LEKR1: variants seen among roughly 807,000 people sequenced by gnomAD.
LEKR1 encodes the protein leucine, glutamate and lysine rich 1.
In LEKR1, 59 loss-of-function variants were observed where a neutral mutation model predicts 72.4. That is an observed-to-expected ratio of 0.82 (90% CI 0.66 to 1.01). The LOEUF is 1.01. LEKR1 is among the 50% of genes least tolerant of loss of function. The pLI is 0.00. For synonymous variants in LEKR1, 257 were observed against 263.2 expected (o/e 0.98, Z 0.23); for missense variants, 728 against 759.2 (o/e 0.96, Z 0.48).
rs139311463 is a variant in LEKR1, at chr3:157,027,016, C to T, written c.1369-1087C>T. On this transcript the variant is annotated intron_variant, in intron 11 of 12. Transcript: ENST00000356539. ...ACAACTGTGCTGTCCGTCATGATAG[C>T]CACATGTGGCTGCAAAAGTTTCCAT... 5.7e-3 allele frequency among the ~76,000 whole-genome samples: 864 copies of T among 152,230 alleles called. 4 individuals carry two copies. The highest frequency in any genetic ancestry group is 0.02 in the African/African-American group (813 of 41,524).
At chr3:157,008,717 T>G (rs2036939197) in intron 9 of LEKR1, among the ~76,000 whole-genome samples, 1 of 152,228 alleles carries the variant, frequency 6.6e-6, no homozygotes, top group African/African-American at 2.4e-5. Context: ...TTACCAAGCA[T>G]GTTTGTATTC....
chr3:157,025,537 T>C (rs1364217053), intron 11 of LEKR1, among the ~76,000 whole-genome samples: 1 of 152,166 alleles, frequency 6.6e-6, no homozygotes, highest in Admixed American at 6.6e-5. Flanking sequence ...AGAGTCTGTG[T>C]TAATTAAGCA....
intron 7 of LEKR1, chr3:156,988,246 T>G (rs1730867572): frequency 3.5e-5 from 7 of 202,622 alleles, no homozygotes. Context: ...CACCTACAAG[T>G]GCACATTGTG....
intron 6 of LEKR1, among the ~76,000 whole-genome samples, chr3:156,949,038 T>C (rs539589715): frequency 4.6e-5 from 7 of 151,226 alleles, no homozygotes; most frequent in Non-Finnish European, 5.9e-5. Context: ...AAATTTAGGG[T>C]ACTTTTAGAT....
At chr3:156,929,407 T>G (rs1041072948) in intron 5 of LEKR1, among the ~76,000 whole-genome samples, 3 of 152,058 alleles carry the variant, frequency 2.0e-5, no homozygotes, top group Non-Finnish European at 4.4e-5. Flanking sequence ...AAAATAAAAT[T>G]TAATTTCTGC....
Position 157,045,468 on chromosome 3 carries a change from G to A in LEKR1, c.1797G>A (p.Pro599=). The A allele has an allele frequency of 6.2e-7, 1 of 1,614,116 alleles. No homozygotes were observed. Among genetic ancestry groups the A allele is most frequent in the Non-Finnish European group, 8.5e-7 (1 of 1,180,016 alleles). ...TTCGTGGAAGTTTACCATTCTCACC[G>A]TGTTCCCTCAGCAAGGGCAGCCTAA... is the stretch of plus-strand genomic sequence containing the variant. ...SKLRGSLPFS[P]CSLSKGSLTS... Residue 599 remains proline (P), a synonymous_variant, in exon 13 of 13, where the codon CCG becomes CCA. Transcript: ENST00000356539.
At chr3:156,873,965 T>C (rs1450217597) in intron 3 of LEKR1, among the ~76,000 whole-genome samples, 1 of 152,106 alleles carries the variant, frequency 6.6e-6, no homozygotes, top group South Asian at 2.1e-4. Context: ...TTAACTATAA[T>C]GTGCTATGGT....
chr3:156,923,713 A>G (rs1305248209), intron 4 of LEKR1, among the ~76,000 whole-genome samples: 1 of 149,570 alleles, frequency 6.7e-6, no homozygotes, highest in East Asian at 2.0e-4. Flanking sequence ...ACTAGGTCAT[A>G]TGATTAATGT....
chr3:156,915,194 G>T (rs996806571), intron 3 of LEKR1, among the ~76,000 whole-genome samples: 17 of 152,080 alleles, frequency 1.1e-4, no homozygotes, highest in African/African-American at 4.1e-4. Context: ...TTGATATTGT[G>T]AATAGTGCTG....
At chr3:156,992,191 A>T (rs938309438) in intron 7 of LEKR1, among the ~76,000 whole-genome samples, 1 of 152,176 alleles carries the variant, frequency 6.6e-6, no homozygotes. Flanking sequence ...GGTTGCCCCA[A>T]ATACCATGGC....
chr3:156,866,723 C>A (rs1276117518), intron 3 of LEKR1, among the ~76,000 whole-genome samples: 7 of 151,734 alleles, frequency 4.6e-5, no homozygotes, highest in African/African-American at 7.3e-5. Flanking sequence ...GGCTGGCTGG[C>A]TGGATGGATG....
chr3:157,003,927 GA>G (rs1431669575), intron 9 of LEKR1, among the ~76,000 whole-genome samples: 2 of 151,914 alleles, frequency 1.3e-5, no homozygotes, highest in African/African-American at 4.8e-5. Context: ...GGAAAGGGAA[GA>G]AAAAACAGAT....
intron 4 of LEKR1, among the ~76,000 whole-genome samples, chr3:156,921,313 G>A (rs1330243229): frequency 1.3e-5 from 2 of 151,990 alleles, no homozygotes; most frequent in Non-Finnish European, 2.9e-5. Flanking sequence ...ATTCAACATG[G>A]CAAATGACAC....
intron 6 of LEKR1, among the ~76,000 whole-genome samples, chr3:156,957,642 A>G (rs1225893293): frequency 2.0e-5 from 3 of 152,078 alleles, no homozygotes; most frequent in Admixed American, 6.6e-5. Flanking sequence ...GCAAACGTAC[A>G]GTGTAGATCA....
chr3:157,043,325 C>T (rs1335493542), intron 12 of LEKR1, among the ~76,000 whole-genome samples: 2 of 152,166 alleles, frequency 1.3e-5, no homozygotes, highest in East Asian at 1.9e-4. Context: ...AACTCCAACA[C>T]GTTGCCAGCT....
intron 3 of LEKR1, among the ~76,000 whole-genome samples, chr3:156,874,354 T>C (rs62275182): frequency 0.032 from 4,823 of 152,166 alleles, 113 homozygotes; most frequent in Non-Finnish European, 0.047. Context: ...GCTAAATGAT[T>C]GTACATTTGT....
intron 12 of LEKR1, among the ~76,000 whole-genome samples, chr3:157,032,800 C>T (rs1734709059): frequency 1.5e-5 from 2 of 129,790 alleles, no homozygotes; most frequent in African/African-American, 5.4e-5. Context: ...TTGTGCTCCA[C>T]AGATACTGTG....
intron 3 of LEKR1, among the ~76,000 whole-genome samples, chr3:156,855,373 G>C (rs58752529): frequency 6.6e-6 from 1 of 151,962 alleles, no homozygotes; most frequent in Non-Finnish European, 1.5e-5. Context: ...TATTTAATTA[G>C]TATTTGTTTT....
At chr3:157,014,561 A>C (rs1421297320) in intron 10 of LEKR1, among the ~76,000 whole-genome samples, 1 of 152,192 alleles carries the variant, frequency 6.6e-6, no homozygotes, top group Non-Finnish European at 1.5e-5. Context: ...TCTGACGTAC[A>C]AAATGTGACA....
Sources: allele counts gnomAD v4.1 joint callset (sites outside exome capture counted in the v4.1 genomes callset), GRCh38; gene constraint gnomAD v4.1.1; transcripts MANE v1.5; gene names NCBI Gene and HGNC (gene_info 2026-07-23, HGNC 2026-07-21).